Variants in RBM26 observed in about 807,000 individuals in gnomAD.
RBM26 encodes RNA-binding protein 26.
RBM26 carries 30 observed loss-of-function variants against 123.6 expected under a neutral mutation model. The observed-to-expected ratio is 0.24, with a 90% confidence interval of 0.18 to 0.33. RBM26 has a LOEUF of 0.33. Among genes scored for constraint, RBM26 ranks in the 10% least tolerant of loss-of-function variants. The pLI, the probability that RBM26 is intolerant of heterozygous loss-of-function variation, is 1.00. For missense variants in RBM26, 947 were observed against 1,203.6 expected (o/e 0.79, Z 3.15); for synonymous variants, 400 against 404.4 (o/e 0.99, Z 0.13).
intron 14 of RBM26, among the ~76,000 whole-genome samples, chr13:79,351,929 G>GA (rs2073302344): frequency 6.6e-6 from 1 of 152,118 alleles, no homozygotes; most frequent in Non-Finnish European, 1.5e-5. Context: ...GAAGGTGGCA[G>GA]AAAAAGAAGT....
intron 3 of RBM26, among the ~76,000 whole-genome samples, chr13:79,372,585 A>C (rs1166690519): frequency 6.7e-6 from 1 of 150,120 alleles, no homozygotes; most frequent in South Asian, 2.1e-4. Context: ...ACATATATTC[A>C]TGTTTTGGTT....
In RBM26 at chr13:79,377,386, TTCTTTA is replaced by T. The variant is rs780867802; in HGVS notation, c.314_319del (p.Ile105_Lys106del). ...ATTAACACAAATCGTTACCTCTTCC[TTCTTTA>T]TATCTTTTTCTTGGTGTGGAAAAAA... On this transcript the variant is annotated inframe_deletion, in exon 3 of 22. Transcript: ENST00000438737. The T allele has an allele frequency of 6.2e-7, 1 of 1,613,512 alleles. No homozygotes were observed. Among genetic ancestry groups the T allele is most frequent in the Non-Finnish European group, 8.5e-7 (1 of 1,179,486 alleles).
At chr13:79,367,356 G>C (rs916858361) in intron 6 of RBM26, among the ~76,000 whole-genome samples, 4 of 136,998 alleles carry the variant, frequency 2.9e-5, no homozygotes, top group Admixed American at 8.3e-5. Context: ...GCACTGAGCA[G>C]AGACTGTGTC....
chr13:79,355,339 T>C lies in RBM26; in HGVS notation c.1735A>G (p.Thr579Ala). 2 of 1,613,866 alleles carry C rather than the reference T, an allele frequency of 1.2e-6. No individual in the cohort carries two copies. Among genetic ancestry groups the C allele is most frequent in the Admixed American group, 3.3e-5 (2 of 60,008 alleles). The change falls in exon 12 of 22, where the codon ACA becomes GCA. Residue 579 changes from threonine (T) to alanine (A), a missense_variant. Physicochemically the swap from Thr to Ala is moderately conservative, Grantham distance 58. Around this residue, in one of 5 missense-constraint regions of RBM26, gnomAD observed 493 missense variants for 563.1 expected, o/e 0.88. Coordinates refer to ENST00000438737, the MANE Select transcript of RBM26 (RefSeq NM_001366735.2). Reference sequence around the variant, plus strand: ...ATTGCTTTCTTTGCTTCTTCGTATGTTGCAAATTGGATTAGGGCACCTTCA... The same window carrying C: ...ATTGCTTTCTTTGCTTCTTCGTATGCTGCAAATTGGATTAGGGCACCTTCA... Reference protein sequence around the residue: ...DPEGALIQFATYEEAKKAISS... With the variant: ...DPEGALIQFAAYEEAKKAISS...
chr13:79,368,372 C>A (rs2075555329), intron 6 of RBM26, among the ~76,000 whole-genome samples: 1 of 152,156 alleles, frequency 6.6e-6, no homozygotes, highest in African/African-American at 2.4e-5. Context: ...GTGACATTTA[C>A]ATTTCTAGAT....
intron 1 of RBM26, among the ~76,000 whole-genome samples, chr13:79,385,735 G>C (rs975203657): frequency 6.6e-6 from 1 of 152,140 alleles, no homozygotes; most frequent in African/African-American, 2.4e-5. Context: ...ATTTGTTTGA[G>C]TAATCAGAAG....
chr13:79,333,841 G>A (rs35672343), intron 20 of RBM26, among the ~76,000 whole-genome samples: 5 of 152,128 alleles, frequency 3.3e-5, no homozygotes, highest in Non-Finnish European at 5.9e-5. Flanking sequence ...CCATGTCTTA[G>A]GCAAAAAGTC....
chr13:79,338,035 T>C (rs936004779), intron 18 of RBM26, among the ~76,000 whole-genome samples: 1 of 152,048 alleles, frequency 6.6e-6, no homozygotes, highest in African/African-American at 2.4e-5. Flanking sequence ...CTGACCAACA[T>C]GGAAAAACCT....
At chr13:79,355,140 TTCCAATGCCTCTAC>T in intron 12 of RBM26, 66 bp downstream of exon 12, 2 of 1,334,110 alleles carry the variant, frequency 1.5e-6, no homozygotes, top group Non-Finnish European at 2.1e-6. Flanking sequence ...GCCTACTTGA[TTCCAATGCCTCTAC>T]TCGTAAACGC....
chr13:79,335,943 C>G (rs1165579888), intron 19 of RBM26, among the ~76,000 whole-genome samples: 2 of 152,116 alleles, frequency 1.3e-5, no homozygotes, highest in East Asian at 3.8e-4. Context: ...TTCTAGTTCT[C>G]TTAATTCCTT....
intron 20 of RBM26, among the ~76,000 whole-genome samples, chr13:79,330,015 A>G (rs2069046443): frequency 1.3e-5 from 2 of 152,210 alleles, no homozygotes; most frequent in African/African-American, 4.8e-5. Context: ...CAAAATAAGG[A>G]GTGGGCAAGT....
downstream of RBM26, among the ~76,000 whole-genome samples, chr13:79,316,119 G>A (rs1445764765): frequency 1.3e-5 from 2 of 151,156 alleles, no homozygotes; most frequent in East Asian, 3.9e-4. Context: ...AGACCAAAAA[G>A]TTAACTAAGC....
chr13:79,373,354 A>AATATATAAATATATAATATATATT, intron 3 of RBM26, among the ~76,000 whole-genome samples: 1 of 104,862 alleles, frequency 9.5e-6, no homozygotes, highest in Non-Finnish European at 1.7e-5. Flanking sequence ...ATATAAATAA[A>AATATATAAATATATAATATATATT]ATATATAAAT....
Position 79,319,203 on chromosome 13 carries a change from G to C in RBM26, c.*1418C>G, listed in dbSNP as rs2067416907. On this transcript the variant is annotated 3_prime_UTR_variant, in exon 22 of 22. Transcript: ENST00000438737. ...ACTCCACTGGCAGAAGACTATGGTG[G>C]TGGTGGAACAACAGCTTTTGATTGT... 1.0e-6 allele frequency: 1 copy of C among 984,504 alleles called. No individual in the cohort carries two copies. Among genetic ancestry groups the C allele is most frequent in the African/African-American group, 1.7e-5 (1 of 57,144 alleles). The allele number at this position is 984,504 out of a possible 1,614,324, so 61.0% of individuals were successfully genotyped here. A position where few individuals can be genotyped will look rare whatever the true frequency, so the allele number is the denominator to read the frequency against.
chr13:79,387,737 TTTTC>T (rs1566565245), intron 1 of RBM26, among the ~76,000 whole-genome samples: 2 of 152,334 alleles, frequency 1.3e-5, no homozygotes, highest in South Asian at 4.1e-4. Context: ...AGAGAATTTT[TTTTC>T]TTTATGTCTT....
chr13:79,352,588 C>T (rs1245933319), intron 14 of RBM26, among the ~76,000 whole-genome samples: 1 of 152,080 alleles, frequency 6.6e-6, no homozygotes, highest in Non-Finnish European at 1.5e-5. Context: ...TGCTATGCTA[C>T]CTCTATTACT....
chr13:79,396,005 AAAACACAT>A (rs1278857537), intron 1 of RBM26, among the ~76,000 whole-genome samples: 1 of 152,216 alleles, frequency 6.6e-6, no homozygotes, highest in East Asian at 1.9e-4. Flanking sequence ...ATCTAAGGAT[AAAACACAT>A]AAACACAGAC....
At position 79,362,747 on chromosome 13, in the gene RBM26, C is replaced by T. The variant is rs2074850558; in HGVS notation, c.1417+2831G>A. Among the ~76,000 whole-genome samples, 3 of 152,264 alleles carry T rather than the reference C, an allele frequency of 2.0e-5. No individual in the cohort carries two copies. The South Asian group carries it at 6.2e-4, about 32-fold the overall frequency. On this transcript the variant is annotated intron_variant, in intron 9 of 21. Coordinates refer to ENST00000438737, the MANE Select transcript of RBM26 (RefSeq NM_001366735.2). ...TTAATATGTTCCGTACCTGAAGGTT[C>T]ACTAAGAGAGGGAATAATGTGTTTT...
chr13:79,393,728 G>A lies in RBM26; in HGVS notation c.71+11976C>T, dbSNP rs149461329. 2.8e-3 allele frequency among the ~76,000 whole-genome samples: 430 copies of A among 152,268 alleles called. 2 individuals are homozygous for A. The highest frequency in any genetic ancestry group is 5.4e-3 in the Non-Finnish European group (367 of 68,016). ...CGTATGACCACTGAGATCACCTTGT[G>A]GGGGTGGGAAGGACCTTGGGGTCTG... On this transcript the variant is annotated intron_variant, in intron 1 of 21. Coordinates refer to ENST00000438737, the MANE Select transcript of RBM26 (RefSeq NM_001366735.2).
Sources: gnomAD v4.1 joint callset for allele counts (sites outside exome capture counted in the v4.1 genomes callset) on GRCh38, gnomAD v4.1.1 for gene constraint, gnomAD v4.1.1 regional missense constraint, MANE v1.5 for transcripts, NCBI Gene and HGNC (gene_info 2026-07-23, HGNC 2026-07-21) for gene names.